Variants in FNIP2 observed in about 807,000 individuals in gnomAD.
FNIP2 encodes folliculin-interacting protein 2.
A neutral mutation model predicts 108.7 loss-of-function variants in FNIP2; 32 were observed. The observed-to-expected ratio is 0.29, with a 90% CI of 0.22 to 0.40. The LOEUF (loss-of-function observed/expected upper bound fraction) is 0.40. Among genes scored for constraint, FNIP2 ranks in the 10% least tolerant of loss-of-function variants. The probability of loss-of-function intolerance (pLI) is 1.00; values close to 1 mark genes in which losing one functional copy is unlikely to be tolerated. For missense variants in FNIP2, 1,202 were observed against 1,381.6 expected (o/e 0.87, Z 2.06); for synonymous variants, 480 against 496.7 (o/e 0.97, Z 0.45).
intron 14 of FNIP2, among the ~76,000 whole-genome samples, chr4:158,887,749 A>AAAAC (rs1553965836): frequency 1.3e-4 from 19 of 151,618 alleles, no homozygotes; most frequent in African/African-American, 3.9e-4. Flanking sequence ...AAAAAAAAAA[A>AAAAC]AAAAAAAACC....
In FNIP2 at chr4:158,895,821, G is replaced by A; in HGVS notation, c.3222G>A (p.Arg1074=). 1 of 1,613,300 alleles carries A rather than the reference G, an allele frequency of 6.2e-7. No homozygotes were observed. Among genetic ancestry groups the A allele is most frequent in the Non-Finnish European group, 8.5e-7 (1 of 1,179,578 alleles). Reference sequence around the variant, plus strand: ...GTAAAATGCTATCTGAATATCTCCGGGGACACACACGAGTCCATGTGAAAG... The same window carrying A: ...GTAAAATGCTATCTGAATATCTCCGAGGACACACACGAGTCCATGTGAAAG... ...LKSKMLSEYL[R]GHTRVHVKEL... is the part of the protein sequence containing the mutation. The change falls in exon 16 of 17, where the codon CGG becomes CGA. Residue 1074 remains arginine, a synonymous_variant. Coordinates refer to ENST00000264433, the MANE Select transcript of FNIP2 (RefSeq NM_020840.3).
At chr4:158,781,465 C>G (rs185480855) in intron 1 of FNIP2, among the ~76,000 whole-genome samples, 4 of 150,324 alleles carry the variant, frequency 2.7e-5, no homozygotes, top group African/African-American at 7.3e-5. Flanking sequence ...GGACCCCAGT[C>G]TATACTTTGA....
intron 1 of FNIP2, among the ~76,000 whole-genome samples, chr4:158,816,528 A>C (rs1437786545): frequency 6.6e-6 from 1 of 152,194 alleles, no homozygotes; most frequent in East Asian, 1.9e-4. Context: ...CATGCCTGTA[A>C]TCTCAACACT....
At chr4:158,818,084 G>A (rs1578859828) in intron 1 of FNIP2, among the ~76,000 whole-genome samples, 2 of 152,216 alleles carry the variant, frequency 1.3e-5, no homozygotes, top group African/African-American at 4.8e-5. Flanking sequence ...AACTCAGAAA[G>A]GAAGGAAGAA....
intron 10 of FNIP2, among the ~76,000 whole-genome samples, chr4:158,860,966 C>T (rs1780257201): frequency 6.6e-6 from 1 of 152,060 alleles, no homozygotes; most frequent in African/African-American, 2.4e-5. Flanking sequence ...GAATCTGGGT[C>T]CTACTTTAAT....
rs752574020 is a variant in FNIP2 at position 158,829,102 on chromosome 4, A to T, written c.258A>T (p.Lys86Asn). ...TAQKTEDVPI[K>N]ISAKCCQGSS... Reference sequence around the variant, plus strand: ...AGAAAACAGAGGATGTTCCTATTAAAATATCAGCCAAGTGCTGCCAGGGAA... The same window carrying T: ...AGAAAACAGAGGATGTTCCTATTAATATATCAGCCAAGTGCTGCCAGGGAA... Residue 86 changes from lysine (K) to asparagine (N), a missense_variant, in exon 3 of 17, where the codon AAA becomes AAT. By Grantham distance (94) the Lys-to-Asn change is moderately conservative. Transcript: ENST00000264433. 1 of 1,610,908 alleles carries T rather than the reference A, an allele frequency of 6.2e-7. No individual in the cohort carries two copies. Among genetic ancestry groups the T allele is most frequent in the Non-Finnish European group, 8.5e-7 (1 of 1,178,586 alleles).
intron 8 of FNIP2, among the ~76,000 whole-genome samples, chr4:158,854,128 A>G (rs184858365): frequency 1.8e-3 from 269 of 152,164 alleles, no homozygotes; most frequent in African/African-American, 6.3e-3. Flanking sequence ...CAGAGACTAA[A>G]CTCTCTGCAG....
intron 16 of FNIP2, among the ~76,000 whole-genome samples, chr4:158,896,092 G>A (rs979301664): frequency 4.6e-5 from 7 of 152,198 alleles, no homozygotes; most frequent in African/African-American, 1.7e-4. Context: ...TAGGCTGGTC[G>A]TGCTTTGTTG....
chr4:158,819,287 G>C lies in FNIP2; in HGVS notation c.108-6629G>C, dbSNP rs184633757. On this transcript the variant is annotated intron_variant, in intron 1 of 16. Transcript: ENST00000264433. Reference sequence around the variant, plus strand: ...CATTTTCCTTTACAAAAGGAATAAAGGATTTACATATCACCTACTTTCTTA... The same window carrying C: ...CATTTTCCTTTACAAAAGGAATAAACGATTTACATATCACCTACTTTCTTA... 2.5e-3 allele frequency among the ~76,000 whole-genome samples: 375 copies of C among 152,232 alleles called. 2 individuals carry two copies. Among genetic ancestry groups the C allele is most frequent in the African/African-American group, 8.4e-3 (349 of 41,520 alleles).
At chr4:158,776,733 T>C (rs1775874247) in intron 1 of FNIP2, among the ~76,000 whole-genome samples, 1 of 152,236 alleles carries the variant, frequency 6.6e-6, no homozygotes, top group African/African-American at 2.4e-5. Context: ...GCCTTGCCAT[T>C]GTGTCTCTGC....
chr4:158,845,232 A>C (rs1055548813), intron 7 of FNIP2, among the ~76,000 whole-genome samples: 1 of 152,220 alleles, frequency 6.6e-6, no homozygotes, highest in Non-Finnish European at 1.5e-5. Context: ...AATTTAACTA[A>C]AAGTCTTGGC....
intron 1 of FNIP2, among the ~76,000 whole-genome samples, chr4:158,824,458 C>T (rs941209946): frequency 2.0e-5 from 3 of 152,168 alleles, no homozygotes; most frequent in Non-Finnish European, 4.4e-5. Flanking sequence ...CCTTTCACCT[C>T]GGGCACCTCT....
At chr4:158,770,015 C>CT (rs1345591374) in intron 1 of FNIP2, among the ~76,000 whole-genome samples, 1 of 152,164 alleles carries the variant, frequency 6.6e-6, no homozygotes, top group Non-Finnish European at 1.5e-5. Context: ...ACCTAAAATG[C>CT]TTTATGTTGA....
At chr4:158,851,265 G>A (rs1779684010) in intron 7 of FNIP2, 56 bp from the exon 8 acceptor site, 3 of 1,592,228 alleles carry the variant, frequency 1.9e-6, no homozygotes, top group African/African-American at 1.3e-5. Flanking sequence ...TGTGCATTAT[G>A]TAGCTACATG....
chr4:158,858,991 T>C (rs1780139194), intron 8 of FNIP2, 66 bp from the exon 9 acceptor site: 1 of 1,341,528 alleles, frequency 7.5e-7, no homozygotes, highest in African/African-American at 1.4e-5. Flanking sequence ...TCCCCAGTCA[T>C]TACAGTTGAC....
intron 10 of FNIP2, among the ~76,000 whole-genome samples, chr4:158,860,720 G>A (rs1294627433): frequency 6.8e-5 from 10 of 147,256 alleles, no homozygotes; most frequent in Non-Finnish European, 4.5e-5. Context: ...GCAGTGGTGC[G>A]ATCTCGGCTC....
rs2126714233 is a variant in FNIP2, at chr4:158,871,880, G to A, written c.2949+1411G>A. 3 of 985,328 alleles carry A rather than the reference G, an allele frequency of 3.0e-6. No homozygotes were observed. In the South Asian group the frequency reaches 1.4e-4, roughly 46 times the overall value. 61.0% of individuals were successfully genotyped at this position (985,328 alleles called of 1,614,324 possible). A position where few individuals can be genotyped will look rare whatever the true frequency, so the allele number is the denominator to read the frequency against. On this transcript the variant is annotated intron_variant, in intron 14 of 16. Coordinates refer to ENST00000264433, the MANE Select transcript of FNIP2 (RefSeq NM_020840.3). Reference sequence around the variant, plus strand: ...TGTATAATGCTAAGTTGTCCAAAACGATGTCTGATGCTTTGGCAATTTCAC... The same window carrying A: ...TGTATAATGCTAAGTTGTCCAAAACAATGTCTGATGCTTTGGCAATTTCAC...
intron 8 of FNIP2, among the ~76,000 whole-genome samples, chr4:158,854,568 G>C (rs982778814): frequency 1.3e-5 from 2 of 152,232 alleles, no homozygotes; most frequent in Non-Finnish European, 2.9e-5. Flanking sequence ...CATGGCTCCT[G>C]TAACAAATAC....
chr4:158,780,528 T>C (rs778544811), intron 1 of FNIP2, among the ~76,000 whole-genome samples: 12 of 152,358 alleles, frequency 7.9e-5, no homozygotes, highest in Admixed American at 2.0e-4. Context: ...GATATTTTTA[T>C]TAGCCAATTT....
Sources: allele counts gnomAD v4.1 joint callset (sites outside exome capture counted in the v4.1 genomes callset), GRCh38; gene constraint gnomAD v4.1.1; transcripts MANE v1.5; gene names NCBI Gene and HGNC (gene_info 2026-07-23, HGNC 2026-07-21).